The following TTC6 variants were observed in gnomAD, a reference collection of about 807,000 sequenced individuals.
TTC6 encodes tetratricopeptide repeat protein 6.
Under a neutral mutation model 210.4 loss-of-function variants are expected in TTC6, and 172 were observed. The ratio of observed to expected loss-of-function variants is 0.82; its 90% CI spans 0.72 to 0.93. The LOEUF (loss-of-function observed/expected upper bound fraction) is 0.93, where lower values mean the gene tolerates loss of function less well. Ranked by LOEUF, TTC6 falls within the 40% of genes least tolerant of loss-of-function variation. The pLI is 0.00. For synonymous variants in TTC6, 804 were observed against 819.6 expected (o/e 0.98, Z 0.32); for missense variants, 2,414 against 2,318.1 (o/e 1.04, Z -0.85).
chr14:37,781,931 G>A (rs562688452), intron 14 of TTC6, among the ~76,000 whole-genome samples: 1 of 152,098 alleles, frequency 6.6e-6, no homozygotes, highest in South Asian at 2.1e-4. Flanking sequence ...AAGATCAGAT[G>A]GTTGTAGGAG....
chr14:37,781,388 A>C (rs960052603), intron 14 of TTC6, among the ~76,000 whole-genome samples: 5 of 152,202 alleles, frequency 3.3e-5, no homozygotes, highest in Non-Finnish European at 2.9e-5. Flanking sequence ...AGTGATGATG[A>C]GCATTTTTTC....
intron 14 of TTC6, among the ~76,000 whole-genome samples, chr14:37,784,769 A>T (rs1392611022): frequency 6.6e-6 from 1 of 152,054 alleles, no homozygotes; most frequent in African/African-American, 2.4e-5. Context: ...CTGGTTGTTC[A>T]TATCCATGTT....
At chr14:37,621,992 T>C, upstream of TTC6, 5 of 1,122,050 alleles carry the variant, frequency 4.5e-6, no homozygotes, top group Non-Finnish European at 4.9e-6. Flanking sequence ...AGTTTTGTTT[T>C]ATATTTATGT....
exon 11 of TTC6, chr14:37,749,254 G>C (rs1317295978): frequency 6.6e-7 from 1 of 1,526,516 alleles, no homozygotes; most frequent in Non-Finnish European, 8.8e-7. Flanking sequence ...TTCCACAAGA[G>C]GTCATTAAAT....
intron 14 of TTC6, among the ~76,000 whole-genome samples, chr14:37,780,602 A>G (rs2096051810): frequency 6.6e-6 from 1 of 152,094 alleles, no homozygotes; most frequent in South Asian, 2.1e-4. Flanking sequence ...ATGGCTGTGT[A>G]GTATTCCATG....
chr14:37,712,331 A>G (rs1412266631), intron 5 of TTC6, among the ~76,000 whole-genome samples: 1 of 152,032 alleles, frequency 6.6e-6, no homozygotes, highest in Non-Finnish European at 1.5e-5. Flanking sequence ...CCTCATCACC[A>G]TCTCCCTCTC....
intron 6 of TTC6, among the ~76,000 whole-genome samples, chr14:37,723,343 G>C (rs1357152224): frequency 6.6e-6 from 1 of 152,078 alleles, no homozygotes; most frequent in Non-Finnish European, 1.5e-5. Flanking sequence ...TTGCTTCTAG[G>C]TCTTGTCAGC....
intron 14 of TTC6, among the ~76,000 whole-genome samples, chr14:37,776,682 G>C (rs1423814039): frequency 6.6e-6 from 1 of 152,076 alleles, no homozygotes; most frequent in Non-Finnish European, 1.5e-5. Flanking sequence ...CAGAGGTCAG[G>C]AGTTCAAGAC....
At chr14:37,773,275 G>T (rs1240625922) in intron 14 of TTC6, among the ~76,000 whole-genome samples, 1 of 152,052 alleles carries the variant, frequency 6.6e-6, no homozygotes, top group African/African-American at 2.4e-5. Context: ...GTTTAATTAG[G>T]TCCCATTTGT....
chr14:37,797,429 CT>C (rs2096095282), intron 20 of TTC6, among the ~76,000 whole-genome samples: 1 of 151,974 alleles, frequency 6.6e-6, no homozygotes, highest in Admixed American at 6.6e-5. Flanking sequence ...GGTTGAGAAT[CT>C]TTTTATGTTT....
intron 1 of TTC6, among the ~76,000 whole-genome samples, chr14:37,668,390 G>T (rs1332058113): frequency 6.6e-6 from 1 of 150,428 alleles, no homozygotes; most frequent in Admixed American, 6.6e-5. Flanking sequence ...TCTAGGCTGG[G>T]TTCTATTCTG....
At chr14:37,776,993 G>A (rs924113294) in intron 14 of TTC6, among the ~76,000 whole-genome samples, 5 of 152,192 alleles carry the variant, frequency 3.3e-5, no homozygotes, top group Non-Finnish European at 7.3e-5. Context: ...TCCCTTTGTA[G>A]GTGACCTGTC....
At chr14:37,726,847 A>T (rs1370600324) in intron 7 of TTC6, among the ~76,000 whole-genome samples, 1 of 152,154 alleles carries the variant, frequency 6.6e-6, no homozygotes, top group Non-Finnish European at 1.5e-5. Flanking sequence ...GTTGAGATTT[A>T]TAAGTTATGT....
chr14:37,719,816 A>G (rs2095858483), intron 6 of TTC6, among the ~76,000 whole-genome samples: 1 of 152,194 alleles, frequency 6.6e-6, no homozygotes, highest in Non-Finnish European at 1.5e-5. Context: ...TGACCCCAAA[A>G]GCACTATTTG....
intron 14 of TTC6, among the ~76,000 whole-genome samples, chr14:37,768,232 A>C (rs1411953873): frequency 8.0e-5 from 12 of 150,106 alleles, no homozygotes; most frequent in South Asian, 2.1e-4. Flanking sequence ...AGTCAGGTAG[A>C]GTGATGCCTC....
intron 13 of TTC6, among the ~76,000 whole-genome samples, chr14:37,751,713 A>T (rs1300887029): frequency 3.3e-5 from 5 of 152,068 alleles, no homozygotes; most frequent in Non-Finnish European, 7.4e-5. Flanking sequence ...TACTATTATA[A>T]ATTATGATAT....
At chr14:37,808,741 G>A in exon 24 of TTC6, 2 of 1,470,588 alleles carry the variant, frequency 1.4e-6, no homozygotes, top group Non-Finnish European at 1.8e-6. Flanking sequence ...AGACTTATAA[G>A]CTAGCAATTA....
At chr14:37,725,254 T>C (rs1339816176) in intron 7 of TTC6, among the ~76,000 whole-genome samples, 13 of 144,686 alleles carry the variant, frequency 9.0e-5, no homozygotes, top group Non-Finnish European at 6.0e-5. Context: ...TGTGTATATA[T>C]ATACATGTAT....
intron 3 of TTC6, among the ~76,000 whole-genome samples, chr14:37,694,050 A>G (rs2095809778): frequency 1.3e-5 from 2 of 152,148 alleles, no homozygotes; most frequent in South Asian, 4.1e-4. Flanking sequence ...GGTTTCAGCA[A>G]ATATTTCTTG....
Sources: allele counts gnomAD v4.1 joint callset (sites outside exome capture counted in the v4.1 genomes callset), GRCh38; gene constraint gnomAD v4.1.1; transcripts MANE v1.5; gene names NCBI Gene and HGNC (gene_info 2026-07-23, HGNC 2026-07-21).